KRT35: variants seen among roughly 807,000 people sequenced by gnomAD.
The protein encoded by KRT35 is keratin, type I cuticular Ha5.
Under a neutral mutation model 42.2 loss-of-function variants are expected in KRT35, and 33 were observed. The observed-to-expected ratio is 0.78, with a 90% CI of 0.59 to 1.05. The LOEUF (loss-of-function observed/expected upper bound fraction) is 1.05. KRT35 is among the 50% of genes least tolerant of loss of function. The pLI, the probability that KRT35 is intolerant of heterozygous loss-of-function variation, is 0.00. For synonymous variants in KRT35, 218 were observed against 238.2 expected, an observed-to-expected ratio of 0.92 and a Z score of 0.78; for missense variants, 585 against 589.2, an observed-to-expected ratio of 0.99 and a Z score of 0.07.
chr17:41,479,775 A>G lies in KRT35; in HGVS notation c.478T>C (p.Cys160Arg), dbSNP rs1266757081. 2 of 1,613,368 alleles carry G rather than the reference A, an allele frequency of 1.2e-6. No homozygotes were observed. Among genetic ancestry groups the G allele is most frequent in the Non-Finnish European group, 1.7e-6 (2 of 1,179,288 alleles). ...AGCCTGGCATTCTCAGCCTTGCTGCATAGAGTCTGGAGATATGAAGAAGTT... is the reference window on the plus strand; with the variant it reads ...AGCCTGGCATTCTCAGCCTTGCTGCGTAGAGTCTGGAGATATGAAGAAGTT... ...TIEELQKKTL[C>R]SKAENARLVV... Residue 160 changes from cysteine (C) to arginine (R), a missense_variant, in exon 2 of 7, where the codon TGC (cysteine) becomes CGC (arginine). Coordinates refer to ENST00000246639, the MANE Select transcript of KRT35 (RefSeq NM_002280.6).
chr17:41,478,210 C>G, intron 5 of KRT35, 151 bp downstream of exon 5: 41 of 757,906 alleles, frequency 5.4e-5, no homozygotes, highest in Non-Finnish European at 7.4e-5. Flanking sequence ...TGGAGCTGGT[C>G]CCTCATTCCC....
chr17:41,478,147 G>A (rs910609840), intron 5 of KRT35, among the ~76,000 whole-genome samples: 3 of 152,190 alleles, frequency 2.0e-5, no homozygotes, highest in African/African-American at 4.8e-5. Context: ...CTACTGCCTG[G>A]ACATGTCAGT....
In KRT35 at chr17:41,478,947, C is replaced by T. The variant is rs1270424968; in HGVS notation, c.760G>A (p.Val254Met). 1 of 1,613,908 alleles carries T rather than the reference C, an allele frequency of 6.2e-7. No homozygotes were observed. Among genetic ancestry groups the T allele is most frequent in the Non-Finnish European group, 8.5e-7 (1 of 1,179,956 alleles). ...AGGTCAACAGGTGGGGCAGCGTCCACCTCAACATTGAGGCGGTCACCAAGT... is the reference window on the plus strand; with the variant it reads ...AGGTCAACAGGTGGGGCAGCGTCCATCTCAACATTGAGGCGGTCACCAAGT... ...CQLGDRLNVE[V>M]DAAPPVDLNR... The change falls in exon 4 of 7, where the codon GTG (valine) becomes ATG (methionine). Residue 254 changes from valine to methionine, a missense_variant. Transcript: ENST00000246639.
At position 41,477,658 on chromosome 17, in the gene KRT35, G is replaced by A. The variant is rs1567705863; in HGVS notation, c.1080C>T (p.Thr360=). ...TCTCGGCCAGCTGGGCCTCCACGTT[G>A]GTGATCATGCACTGCATCTGGGCCA... ...SQLAQMQCMI[T]NVEAQLAEIR... The change falls in exon 6 of 7, where the codon ACC becomes ACT. Residue 360 remains threonine, a synonymous_variant. Coordinates refer to ENST00000246639, the MANE Select transcript of KRT35 (RefSeq NM_002280.6). The A allele has an allele frequency of 1.9e-6, 3 of 1,614,260 alleles. No individual in the cohort carries two copies. Among genetic ancestry groups the A allele is most frequent in the South Asian group, 2.2e-5 (2 of 91,088 alleles).
chr17:41,480,991 G>A lies in KRT35; in HGVS notation c.107C>T (p.Ser36Phe). ...TRVSAMYSSS[S>F]CKLPSLSPVA... Reference sequence around the variant, plus strand: ...AGGGGAGAGACTTGGAAGCTTGCAAGAGCTGCTGGAGTACATTGCGGACAC... The same window carrying A: ...AGGGGAGAGACTTGGAAGCTTGCAAAAGCTGCTGGAGTACATTGCGGACAC... Residue 36 changes from serine to phenylalanine, a missense_variant, in exon 1 of 7, where the codon TCT becomes TTT. Physicochemically the swap from Ser to Phe is radical, Grantham distance 155. Coordinates refer to ENST00000246639, the MANE Select transcript of KRT35 (RefSeq NM_002280.6). The A allele has an allele frequency of 6.2e-7, 1 of 1,614,096 alleles. No homozygotes were observed. The highest frequency in any genetic ancestry group is 2.2e-5 in the East Asian group (1 of 44,882).
rs552367637 is a variant in KRT35 at position 41,479,846 on chromosome 17, G to A, written c.472-65C>T. On this transcript the variant is annotated intron_variant, in intron 1 of 6. Coordinates refer to ENST00000246639, the MANE Select transcript of KRT35 (RefSeq NM_002280.6). ...ATTCCACTTGTTGGAGCTCCCTAAA[G>A]CTGACAAGGGCTGACTCTGGAAGGA... 40 of 1,262,214 alleles carry A rather than the reference G, an allele frequency of 3.2e-5. No individual in the cohort carries two copies. In the East Asian group the frequency reaches 3.7e-4, roughly 12 times the overall value. 78.2% of individuals were successfully genotyped at this position (1,262,214 alleles called of 1,614,324 possible).
chr17:41,478,714 G>T, intron 4 of KRT35, 120 bp downstream of exon 4: 1 of 1,195,138 alleles, frequency 8.4e-7, no homozygotes, highest in Non-Finnish European at 1.2e-6. Context: ...TTTTGACCTT[G>T]TCAGCAAGGT....
At chr17:41,479,890 A>C in intron 1 of KRT35, 109 bp from the exon 2 acceptor site, 1 of 809,690 alleles carries the variant, frequency 1.2e-6, no homozygotes, top group Non-Finnish European at 2.1e-6. Flanking sequence ...CCCATCCTAG[A>C]CCTCTGCTAC....
In KRT35 at chr17:41,480,866, C is replaced by T. The variant is rs1358681334; in HGVS notation, c.232G>A (p.Ala78Thr). The change falls in exon 1 of 7, where the codon GCT becomes ACT. Residue 78 changes from alanine (A) to threonine (T), a missense_variant. By Grantham distance (58) the Ala-to-Thr change is moderately conservative (BLOSUM62 0). Transcript: ENST00000246639. ...CCCCCACCCCCACTGTAGCTGGTAG[C>T]GAAGCCTCCAGCAGGGAGGCAGAGA... Reference protein sequence around the residue: ...PALCLPAGGFATSYSGGGGWF... With the variant: ...PALCLPAGGFTTSYSGGGGWF... The T allele has an allele frequency of 1.1e-5, 17 of 1,614,010 alleles. No homozygotes were observed. The highest frequency in any genetic ancestry group is 2.2e-5 in the South Asian group (2 of 91,082).
intron 1 of KRT35, among the ~76,000 whole-genome samples, chr17:41,480,229 T>C (rs2144475082): frequency 6.6e-6 from 1 of 152,328 alleles, no homozygotes; most frequent in South Asian, 2.1e-4. Flanking sequence ...CTGACAGGCA[T>C]TTTCTTCCCT....
rs762590390 is a variant in KRT35 at position 41,477,198 on chromosome 17, G to T, written c.1226C>A (p.Pro409His). 6.2e-7 allele frequency: 1 copy of T among 1,613,174 alleles called. No homozygotes were observed. Among genetic ancestry groups the T allele is most frequent in the Non-Finnish European group, 8.5e-7 (1 of 1,179,658 alleles). ...GLLESEDSKL[P>H]CNPCAPDYSP... ...GTAGTCAGGTGCACATGGGTTACAG[G>T]GGAGCCTAGAAAAAAGAAAACAAAT... is the stretch of plus-strand genomic sequence containing the variant. Residue 409 changes from proline to histidine, a missense_variant, in exon 7 of 7, where the codon CCC becomes CAC. Transcript: ENST00000246639.
Position 41,479,229 on chromosome 17 carries a change from C to A in KRT35, c.711+118G>T. The A allele has an allele frequency of 2.5e-6, 3 of 1,194,484 alleles. No homozygotes were observed. The South Asian group carries it at 4.3e-5, about 17-fold the overall frequency. The allele number at this position is 1,194,484 out of a possible 1,614,324, so 74.0% of individuals were successfully genotyped here. Reference sequence around the variant, plus strand: ...CTCCTCTTCCCTATGCACACCTGCTCCCTCATGTTCACCTCCCCCTATGCT... The same window carrying A: ...CTCCTCTTCCCTATGCACACCTGCTACCTCATGTTCACCTCCCCCTATGCT... On this transcript the variant is annotated intron_variant, in intron 3 of 6. Coordinates refer to ENST00000246639, the MANE Select transcript of KRT35 (RefSeq NM_002280.6).
At position 41,478,555 on chromosome 17, in the gene KRT35, G is replaced by A. The variant is rs114914837; in HGVS notation, c.874-69C>T. ...TTGGCTTCAGAGAGCTACAGAGGCCGGTTAGAATCATGAGCCAAGAAAGAC... is the reference window on the plus strand; with the variant it reads ...TTGGCTTCAGAGAGCTACAGAGGCCAGTTAGAATCATGAGCCAAGAAAGAC... On this transcript the variant is annotated intron_variant, in intron 4 of 6. Coordinates refer to ENST00000246639, the MANE Select transcript of KRT35 (RefSeq NM_002280.6). The A allele has an allele frequency of 2.3e-4, 351 of 1,544,384 alleles. No homozygotes were observed. In the African/African-American group the frequency reaches 3.8e-3, roughly 17 times the overall value.
At position 41,477,546 on chromosome 17, in the gene KRT35, G is replaced by A. The variant is rs202120221; in HGVS notation, c.1192C>T (p.Arg398Trp). Residue 398 changes from arginine (R) to tryptophan (W), a missense_variant, in exon 6 of 7, where the codon CGG (arginine) becomes TGG (tryptophan). Arg to Trp is a moderately radical substitution (Grantham distance 101). Coordinates refer to ENST00000246639, the MANE Select transcript of KRT35 (RefSeq NM_002280.6). The stretch of plus-strand genomic sequence containing the variant: ...CTGTCCTCACTCTCCAGCAGGCCCC[G>A]GTACGTGTTGATCTCACACTCCAGC... ...ARLECEINTY[R>W]GLLESEDSKL... 92 of 1,613,566 alleles carry A rather than the reference G, an allele frequency of 5.7e-5. No individual in the cohort carries two copies. Among genetic ancestry groups the A allele is most frequent in the Non-Finnish European group, 7.0e-5 (83 of 1,180,044 alleles).
In KRT35 at chr17:41,478,396, CGTTGACCG is replaced by C; in HGVS notation, c.956_963del (p.Thr319SerfsTer5). 6.2e-7 allele frequency: 1 copy of C among 1,613,956 alleles called. No individual in the cohort carries two copies. The highest frequency in any genetic ancestry group is 8.5e-7 in the Non-Finnish European group (1 of 1,179,954). The stretch of plus-strand genomic sequence containing the variant: ...TGAGCCTGCAGCTCAATCTCCAGGG[CGTTGACCG>C]TGCGTCTCAGCTCGATGATCTCTGC... On this transcript the variant is annotated frameshift_variant, in exon 5 of 7. Transcript: ENST00000246639. LOFTEE classifies it high-confidence loss of function.
In KRT35 at chr17:41,479,330, T is replaced by C. The variant is rs1189338561; in HGVS notation, c.711+17A>G. The stretch of plus-strand genomic sequence containing the variant: ...GCTCACCTGCTGTGCCGTGTTCACC[T>C]TTTCCCCCATGCTCACCTCCTCATG... On this transcript the variant is annotated intron_variant, in intron 3 of 6. Transcript: ENST00000246639. The C allele has an allele frequency of 1.2e-6, 2 of 1,605,222 alleles. No homozygotes were observed. Among genetic ancestry groups the C allele is most frequent in the Admixed American group, 3.4e-5 (2 of 59,620 alleles).
At chr17:41,480,042 T>A (rs1056298380) in intron 1 of KRT35, among the ~76,000 whole-genome samples, 1 of 152,188 alleles carries the variant, frequency 6.6e-6, no homozygotes, top group African/African-American at 2.4e-5. Context: ...CCTGGCATGA[T>A]GAAATGAGGC....
chr17:41,481,109 C>T lies in KRT35; in HGVS notation c.-12G>A, dbSNP rs773988020. ...CATTTGGAAGCCATGGCCCCTGCAA[C>T]TCAGATGCAATTGATAGGTCTCTGA... On this transcript the variant is annotated 5_prime_UTR_variant, in exon 1 of 7. Coordinates refer to ENST00000246639, the MANE Select transcript of KRT35 (RefSeq NM_002280.6). 9 of 1,580,258 alleles carry T rather than the reference C, an allele frequency of 5.7e-6. No individual in the cohort carries two copies. In the South Asian group the frequency reaches 1.0e-4, roughly 18 times the overall value.
intron 6 of KRT35, 38 bp downstream of exon 6, chr17:41,477,480 T>C (rs746991474): frequency 6.2e-6 from 10 of 1,608,168 alleles, no homozygotes; most frequent in Non-Finnish European, 7.6e-6. Flanking sequence ...CTTGGTAGAT[T>C]GCAGTGAGAA....
Sources: gnomAD v4.1 joint callset for allele counts (sites outside exome capture counted in the v4.1 genomes callset) on GRCh38, gnomAD v4.1.1 for gene constraint, MANE v1.5 for transcripts, NCBI Gene and HGNC (gene_info 2026-07-23, HGNC 2026-07-21) for gene names.